CDH18: variants seen among roughly 807,000 people sequenced by gnomAD.
CDH18 encodes the protein cadherin 18, also known as cadherin-18.
A neutral mutation model predicts 67.9 loss-of-function variants in CDH18; 31 were observed. That is an observed-to-expected ratio of 0.46 (90% CI 0.34 to 0.62). CDH18 has a LOEUF of 0.62. Ranked by LOEUF, CDH18 falls within the 20% of genes least tolerant of loss-of-function variation. The probability of loss-of-function intolerance (pLI) is 0.01; values close to 1 mark genes in which losing one functional copy is unlikely to be tolerated. For missense variants in CDH18, 890 were observed against 975.5 expected (o/e 0.91, Z 1.17); for synonymous variants, 362 against 347.2 (o/e 1.04, Z -0.48).
intron 2 of CDH18, among the ~76,000 whole-genome samples, chr5:19,882,340 G>C (rs1787743100): frequency 6.6e-6 from 1 of 151,986 alleles, no homozygotes; most frequent in Non-Finnish European, 1.5e-5. Flanking sequence ...TGTACATTCA[G>C]TAATAAATTC....
intron 1 of CDH18, among the ~76,000 whole-genome samples, chr5:20,491,340 T>G (rs1279277118): frequency 2.0e-5 from 3 of 152,072 alleles, no homozygotes; most frequent in African/African-American, 7.2e-5. Flanking sequence ...GATCGTAAGT[T>G]TAGTAATTCT....
At chr5:20,130,332 C>T (rs1749165309) in intron 2 of CDH18, among the ~76,000 whole-genome samples, 1 of 150,550 alleles carries the variant, frequency 6.6e-6, no homozygotes, top group African/African-American at 2.5e-5. Context: ...TGACAGGCTG[C>T]AGATTTAAGG....
At chr5:20,305,535 A>G (rs905853719) in intron 1 of CDH18, 25 of 829,510 alleles carry the variant, frequency 3.0e-5, no homozygotes. Context: ...AGGGGTCTCG[A>G]GCGGCTGGTG....
At chr5:20,396,372 T>C (rs1580900390) in intron 1 of CDH18, among the ~76,000 whole-genome samples, 1 of 150,100 alleles carries the variant, frequency 6.7e-6, no homozygotes, top group East Asian at 2.0e-4. Flanking sequence ...TTCTTTTCTC[T>C]CTTAAATATG....
chr5:19,594,353 A>G (rs1297011009), intron 6 of CDH18, among the ~76,000 whole-genome samples: 7 of 152,006 alleles, frequency 4.6e-5, no homozygotes, highest in African/African-American at 1.7e-4. Context: ...GGGTTTCACT[A>G]TGTTGGCCAG....
At chr5:19,769,113 TAGAG>T (rs953726244) in intron 3 of CDH18, among the ~76,000 whole-genome samples, 7 of 151,380 alleles carry the variant, frequency 4.6e-5, no homozygotes, top group Admixed American at 6.6e-5. Flanking sequence ...GTCACAGAAA[TAGAG>T]AGAGAAAAGG....
intron 5 of CDH18, among the ~76,000 whole-genome samples, chr5:19,709,326 G>A (rs557833691): frequency 8.0e-4 from 122 of 152,206 alleles, no homozygotes; most frequent in Non-Finnish European, 1.5e-3. Context: ...CCAGCACATT[G>A]GGAGGCCAAT....
At chr5:20,328,502 TGTGTGTGAGA>T (rs897478700) in intron 1 of CDH18, among the ~76,000 whole-genome samples, 39 of 117,538 alleles carry the variant, frequency 3.3e-4, no homozygotes, top group Non-Finnish European at 5.7e-4. Context: ...TGTGTGTGTG[TGTGTGTGAGA>T]GAGAGAGAGA....
At chr5:19,930,221 G>T (rs546843232) in intron 2 of CDH18, among the ~76,000 whole-genome samples, 1 of 152,162 alleles carries the variant, frequency 6.6e-6, no homozygotes, top group African/African-American at 2.4e-5. Flanking sequence ...TCCCTAATTA[G>T]TAACCCTGGG....
At chr5:19,716,422 C>CTATATT (rs1326437443) in intron 5 of CDH18, among the ~76,000 whole-genome samples, 2 of 151,756 alleles carry the variant, frequency 1.3e-5, no homozygotes, top group African/African-American at 4.8e-5. Flanking sequence ...AACGTGACTC[C>CTATATT]AAATAGTATA....
chr5:19,606,012 G>A (rs1580454923), intron 6 of CDH18, among the ~76,000 whole-genome samples: 1 of 152,148 alleles, frequency 6.6e-6, no homozygotes, highest in African/African-American at 2.4e-5. Flanking sequence ...AGGCAAAGGC[G>A]CTAGGCAGAG....
intron 2 of CDH18, among the ~76,000 whole-genome samples, chr5:19,902,284 C>A (rs1006622944): frequency 4.6e-5 from 7 of 152,120 alleles, no homozygotes; most frequent in African/African-American, 1.7e-4. Flanking sequence ...TTTAGTGACT[C>A]CATTTTAATA....
chr5:20,075,931 T>TA (rs1464611286), intron 2 of CDH18, among the ~76,000 whole-genome samples: 3 of 152,156 alleles, frequency 2.0e-5, no homozygotes, highest in Non-Finnish European at 4.4e-5. Context: ...TATGTGGAAT[T>TA]AAAAAACAAT....
chr5:20,229,973 C>G (rs1741935700), intron 2 of CDH18, among the ~76,000 whole-genome samples: 1 of 152,152 alleles, frequency 6.6e-6, no homozygotes, highest in Admixed American at 6.5e-5. Context: ...CGAATACAGA[C>G]TAGTTAGTTT....
At chr5:19,531,607 TCTCACA>T (rs1300572985) in intron 9 of CDH18, among the ~76,000 whole-genome samples, 2 of 112,322 alleles carry the variant, frequency 1.8e-5, no homozygotes, top group Non-Finnish European at 3.5e-5. Context: ...AAATGTGTGT[TCTCACA>T]CACACACACA....
rs547688655 is a variant in CDH18, at chr5:20,011,045, C to T, written c.-517-19031G>A. On this transcript the variant is annotated intron_variant, in intron 2 of 14. Coordinates refer to the CDH18 transcript ENST00000507958. Reference sequence around the variant, plus strand: ...TCATTTTGCCTCACAAATAGCGTTTCAATTCCATTTACCACCTTTTATCTC... The same window carrying T: ...TCATTTTGCCTCACAAATAGCGTTTTAATTCCATTTACCACCTTTTATCTC... Among the ~76,000 whole-genome samples the T allele has an allele frequency of 1.6e-4, 25 of 152,276 alleles. 1 individual carries two copies. The South Asian group carries it at 4.8e-3, about 29-fold the overall frequency.
At chr5:19,859,073 T>A (rs1192242781) in intron 2 of CDH18, among the ~76,000 whole-genome samples, 1 of 152,196 alleles carries the variant, frequency 6.6e-6, no homozygotes, top group South Asian at 2.1e-4. Context: ...AAAAAAACCA[T>A]CACCAAAATC....
intron 1 of CDH18, among the ~76,000 whole-genome samples, chr5:20,276,013 C>A (rs1291602199): frequency 1.3e-5 from 2 of 152,278 alleles, no homozygotes; most frequent in African/African-American, 2.4e-5. Context: ...AGGGAAATTA[C>A]CCACCCCAGC....
At chr5:20,075,490 A>G (rs1389219023) in intron 2 of CDH18, among the ~76,000 whole-genome samples, 1 of 151,448 alleles carries the variant, frequency 6.6e-6, no homozygotes, top group Non-Finnish European at 1.5e-5. Context: ...TGATAGAGAT[A>G]GACTCTGCCT....
Sources: gnomAD v4.1 joint callset for allele counts (sites outside exome capture counted in the v4.1 genomes callset) on GRCh38, gnomAD v4.1.1 for gene constraint, MANE v1.5 for transcripts, NCBI Gene and HGNC (gene_info 2026-07-23, HGNC 2026-07-21) for gene names.